Variants in NCAM1 observed in about 807,000 individuals in gnomAD.
The protein encoded by NCAM1 is neural cell adhesion molecule 1.
Under a neutral mutation model 109.8 loss-of-function variants are expected in NCAM1, and 14 were observed. The ratio of observed to expected loss-of-function variants is 0.13; its 90% CI spans 0.08 to 0.20. The LOEUF (loss-of-function observed/expected upper bound fraction) is 0.20. NCAM1 is among the 10% of genes least tolerant of loss of function. NCAM1 has a pLI of 1.00. For synonymous variants in NCAM1, 418 were observed against 442.9 expected (o/e 0.94, Z 0.70); for missense variants, 774 against 1,109.9 (o/e 0.70, Z 4.30).
chr11:113,157,719 A>C (rs1245125), intron 1 of NCAM1, among the ~76,000 whole-genome samples: 44,307 of 152,022 alleles, frequency 0.29, 6,982 homozygotes, highest in East Asian at 0.47. Flanking sequence ...TATGTTATCA[A>C]AAATAATATA....
chr11:113,031,860 A>C (rs1215065742), intron 1 of NCAM1, among the ~76,000 whole-genome samples: 1 of 152,176 alleles, frequency 6.6e-6, no homozygotes, highest in African/African-American at 2.4e-5. Context: ...TAAATTTCAG[A>C]GAGTAGGTGA....
chr11:113,045,773 T>C (rs1229415832), intron 1 of NCAM1, among the ~76,000 whole-genome samples: 7 of 152,236 alleles, frequency 4.6e-5, no homozygotes, highest in Non-Finnish European at 8.8e-5. Flanking sequence ...CAGCATGTTA[T>C]AGAAATAGGC....
At chr11:113,046,762 A>C (rs1327570917) in intron 1 of NCAM1, among the ~76,000 whole-genome samples, 1 of 151,840 alleles carries the variant, frequency 6.6e-6, no homozygotes, top group Non-Finnish European at 1.5e-5. Flanking sequence ...GGATGAAAGA[A>C]AGATGATAGA....
Position 113,274,253 on chromosome 11 carries a change from C to T in NCAM1, c.2457-1014C>T, listed in dbSNP as rs1555126120. On this transcript the variant is annotated intron_variant, in intron 19 of 19. Coordinates refer to ENST00000316851, the MANE Select transcript of NCAM1 (RefSeq NM_181351.5). This position sits in a 1 kb window ranked among gnomAD's most constrained non-coding sequence, Gnocchi z 4.1. ...TCAGATGCTCACCCTCCCCTCCCAA[C>T]CCCGGCCCCCAGCCCACTCTTGCTT... Among the ~76,000 whole-genome samples, 2 of 152,180 alleles carry T rather than the reference C, an allele frequency of 1.3e-5. No homozygotes were observed. Among genetic ancestry groups the T allele is most frequent in the African/African-American group, 4.8e-5 (2 of 41,446 alleles).
At chr11:113,030,627 A>T (rs1345898190) in intron 1 of NCAM1, among the ~76,000 whole-genome samples, 2 of 152,208 alleles carry the variant, frequency 1.3e-5, no homozygotes, top group African/African-American at 2.4e-5. Context: ...GAAAACATTA[A>T]CATCAGTTGT....
At position 113,275,682 on chromosome 11, in the gene NCAM1, C is replaced by A; in HGVS notation, c.*295C>A. The A allele has an allele frequency of 4.4e-6, 1 of 228,832 alleles. No homozygotes were observed. Among genetic ancestry groups the A allele is most frequent in the Non-Finnish European group, 8.5e-6 (1 of 118,078 alleles). 14.2% of individuals were successfully genotyped at this position (228,832 alleles called of 1,614,324 possible). A position where few individuals can be genotyped will look rare whatever the true frequency, so the allele number is the denominator to read the frequency against. On this transcript the variant is annotated 3_prime_UTR_variant, in exon 20 of 20. Coordinates refer to ENST00000316851, the MANE Select transcript of NCAM1 (RefSeq NM_181351.5). The stretch of plus-strand genomic sequence containing the variant: ...ACTAGGACACTCCGTTCCCTGAAAC[C>A]GTTAAAAAATCAAACAAAAGGACCC...
In NCAM1 at chr11:113,163,491, T is replaced by G. The variant is rs80293576; in HGVS notation, c.53-38888T>G. On this transcript the variant is annotated intron_variant, in intron 1 of 19. Transcript: ENST00000316851. ...GAGAGTTCAGAGCTAGGTCTGAGGT[T>G]CTGAGGTTCTTCTCCTGGGAATTGT... 1.7e-3 allele frequency among the ~76,000 whole-genome samples: 265 copies of G among 152,284 alleles called. 8 individuals are homozygous for G. The East Asian group carries it at 0.038, about 22-fold the overall frequency.
chr11:113,164,749 A>G (rs1359343971), intron 1 of NCAM1, among the ~76,000 whole-genome samples: 1 of 152,194 alleles, frequency 6.6e-6, no homozygotes, highest in Non-Finnish European at 1.5e-5. Context: ...TCAGCAGCCC[A>G]GAAACCCTCT....
intron 17 of NCAM1, among the ~76,000 whole-genome samples, chr11:113,266,280 G>A (rs1295743556): frequency 6.6e-6 from 1 of 152,208 alleles, no homozygotes; most frequent in East Asian, 1.9e-4. Context: ...CCATTTCACA[G>A]CCTGTCCCTT....
chr11:113,093,954 C>T (rs1465319212), intron 1 of NCAM1, among the ~76,000 whole-genome samples: 1 of 152,186 alleles, frequency 6.6e-6, no homozygotes, highest in Non-Finnish European at 1.5e-5. Context: ...CAGGAGCTCC[C>T]CTTCAACTCC....
At chr11:113,210,630 A>AGT (rs1944359030) in intron 7 of NCAM1, among the ~76,000 whole-genome samples, 1 of 152,082 alleles carries the variant, frequency 6.6e-6, no homozygotes, top group African/African-American at 2.4e-5. Flanking sequence ...GCTGCCCCGG[A>AGT]GTAGTGAGTG....
intron 17 of NCAM1, chr11:113,264,103 T>C: frequency 1.0e-6 from 1 of 985,396 alleles, no homozygotes; most frequent in African/African-American, 1.7e-5. Flanking sequence ...TATCAGTGTG[T>C]GTGCTTGGGG....
intron 17 of NCAM1, 134 bp downstream of exon 17, chr11:113,260,457 C>T: frequency 3.9e-6 from 4 of 1,015,706 alleles, no homozygotes; most frequent in Non-Finnish European, 4.3e-6. Context: ...CCATGCAAAG[C>T]TTAGTTTTGC....
At chr11:112,986,416 T>C (rs1361783014) in intron 1 of NCAM1, among the ~76,000 whole-genome samples, 1 of 152,068 alleles carries the variant, frequency 6.6e-6, no homozygotes, top group African/African-American at 2.4e-5. Flanking sequence ...AGGGTAATGC[T>C]GACTTAGTAA....
At chr11:113,021,873 A>G (rs1009441587) in intron 1 of NCAM1, among the ~76,000 whole-genome samples, 3 of 152,230 alleles carry the variant, frequency 2.0e-5, no homozygotes, top group Admixed American at 1.3e-4. Flanking sequence ...TAGCAAAGGT[A>G]GATAATTAAA....
At chr11:113,093,679 T>C (rs782392861) in intron 1 of NCAM1, among the ~76,000 whole-genome samples, 3 of 152,208 alleles carry the variant, frequency 2.0e-5, no homozygotes, top group Non-Finnish European at 4.4e-5. Context: ...TGAGGCATGC[T>C]CAGTATCTAC....
chr11:113,210,888 A>T (rs1944373287), intron 7 of NCAM1, among the ~76,000 whole-genome samples: 1 of 151,986 alleles, frequency 6.6e-6, no homozygotes, highest in African/African-American at 2.4e-5. Context: ...GCAAACAGAG[A>T]AGAGGTGGCC....
intron 1 of NCAM1, among the ~76,000 whole-genome samples, chr11:113,079,024 G>T (rs1388851753): frequency 6.6e-6 from 1 of 152,152 alleles, no homozygotes; most frequent in Non-Finnish European, 1.5e-5. Context: ...GGTCAGTAGG[G>T]AGAGCTGACT....
chr11:112,990,279 G>T (rs1951421562), intron 1 of NCAM1, among the ~76,000 whole-genome samples: 1 of 152,078 alleles, frequency 6.6e-6, no homozygotes, highest in Non-Finnish European at 1.5e-5. Flanking sequence ...TGGGTCCTTG[G>T]GCAAACATTA....
Sources: allele counts gnomAD v4.1 joint callset (sites outside exome capture counted in the v4.1 genomes callset), GRCh38; gene constraint gnomAD v4.1.1; non-coding constraint Gnocchi (gnomAD v3.1); transcripts MANE v1.5; gene names NCBI Gene and HGNC (gene_info 2026-07-23, HGNC 2026-07-21).